The following GTF2H3 variants were observed in gnomAD, a reference collection of about 807,000 sequenced individuals.
GTF2H3 encodes the protein general transcription factor IIH subunit 3, also known as TFIIH basal transcription factor complex p34 subunit.
GTF2H3 carries 42 observed loss-of-function variants against 51.1 expected under a neutral mutation model. That is an observed-to-expected ratio of 0.82 (90% CI 0.64 to 1.06). GTF2H3 has a LOEUF of 1.06. Ranked by LOEUF, GTF2H3 falls within the 50% of genes least tolerant of loss-of-function variation. The probability of loss-of-function intolerance (pLI) is 0.00; values close to 1 mark genes in which losing one functional copy is unlikely to be tolerated. For missense variants in GTF2H3, 326 were observed against 366.1 expected (o/e 0.89, Z 0.89); for synonymous variants, 123 against 123.8 (o/e 0.99, Z 0.04).
In GTF2H3 at chr12:123,660,329, A is replaced by G. The variant is rs1024386966; in HGVS notation, c.*94A>G. On this transcript the variant is annotated 3_prime_UTR_variant, in exon 13 of 13. Transcript: ENST00000543341. ...GACTGAAAAAAATAAAGATAGGTAT[A>G]GGATAATTTTTAATATGGTGACCTT... 2.8e-5 allele frequency: 24 copies of G among 870,516 alleles called. No individual in the cohort carries two copies. The highest frequency in any genetic ancestry group is 3.7e-5 in the Non-Finnish European group (21 of 561,492). 53.9% of individuals were successfully genotyped at this position (870,516 alleles called of 1,614,324 possible). A position where few individuals can be genotyped will look rare whatever the true frequency, so the allele number is the denominator to read the frequency against.
chr12:123,660,322 T>C lies in GTF2H3; in HGVS notation c.*87T>C. On this transcript the variant is annotated 3_prime_UTR_variant, in exon 13 of 13. Coordinates refer to ENST00000543341, the MANE Select transcript of GTF2H3 (RefSeq NM_001516.5). ...TTGGGAAGACTGAAAAAAATAAAGA[T>C]AGGTATAGGATAATTTTTAATATGG... 1.1e-6 allele frequency: 1 copy of C among 931,208 alleles called. No homozygotes were observed. Among genetic ancestry groups the C allele is most frequent in the African/African-American group, 1.7e-5 (1 of 59,600 alleles). 57.7% of individuals were successfully genotyped at this position (931,208 alleles called of 1,614,324 possible).
intron 9 of GTF2H3, among the ~76,000 whole-genome samples, chr12:123,657,777 C>T (rs948259766): frequency 3.9e-5 from 6 of 152,204 alleles, no homozygotes; most frequent in Non-Finnish European, 7.3e-5. Flanking sequence ...GTAAATGAAT[C>T]TAACGGACCA....
chr12:123,645,754 A>AC (rs1955437474), intron 3 of GTF2H3, among the ~76,000 whole-genome samples, 193 bp downstream of exon 3: 1 of 152,210 alleles, frequency 6.6e-6, no homozygotes, highest in African/African-American at 2.4e-5. Flanking sequence ...TTATTAGTAG[A>AC]TAGTAGAGTT....
intron 9 of GTF2H3, chr12:123,659,276 A>T (rs1451889795): frequency 6.7e-6 from 3 of 444,538 alleles, no homozygotes; most frequent in Non-Finnish European, 1.2e-5. Flanking sequence ...CTGAGGCAGG[A>T]GAATCACTTG....
At chr12:123,652,857 C>T (rs1955536184) in intron 7 of GTF2H3, 122 bp downstream of exon 7, 1 of 865,654 alleles carries the variant, frequency 1.2e-6, no homozygotes, top group Non-Finnish European at 1.6e-6. Context: ...GTGGGCAGAT[C>T]ACTTGAGGTC....
chr12:123,645,650 T>C, intron 3 of GTF2H3, 89 bp downstream of exon 3: 1 of 695,534 alleles, frequency 1.4e-6, no homozygotes, highest in Non-Finnish European at 2.6e-6. Context: ...CTACTCCATG[T>C]TGCAAAAGAA....
intron 2 of GTF2H3, among the ~76,000 whole-genome samples, chr12:123,640,337 C>CTTTTTTTTTTTTTTTTTTTTTTGT: frequency 7.6e-6 from 1 of 130,818 alleles, no homozygotes; most frequent in Non-Finnish European, 1.6e-5. Context: ...TTTTTGTGGC[C>CTTTTTTTTTTTTTTTTTTTTTTGT]TTTTTTTTTT....
intron 7 of GTF2H3, among the ~76,000 whole-genome samples, chr12:123,654,595 G>A (rs998602886): frequency 4.0e-5 from 6 of 151,098 alleles, no homozygotes; most frequent in Admixed American, 2.6e-4. Context: ...TTTTGGGTGG[G>A]TAGGTGTGTG....
intron 1 of GTF2H3, among the ~76,000 whole-genome samples, chr12:123,638,947 C>G (rs1440297166): frequency 7.2e-5 from 11 of 152,062 alleles, no homozygotes; most frequent in Admixed American, 7.2e-4. Context: ...AGGCGCCCAC[C>G]ACCACGCCCA....
intron 1 of GTF2H3, among the ~76,000 whole-genome samples, chr12:123,634,333 G>T (rs1955240589): frequency 6.6e-6 from 1 of 152,136 alleles, no homozygotes; most frequent in Non-Finnish European, 1.5e-5. Flanking sequence ...TCCCAGCTAC[G>T]CGGGAGGCTG....
At chr12:123,653,284 A>G (rs1256312074) in intron 7 of GTF2H3, among the ~76,000 whole-genome samples, 1 of 152,084 alleles carries the variant, frequency 6.6e-6, no homozygotes, top group East Asian at 1.9e-4. Context: ...GTTTTCCCAA[A>G]ATCACACTGT....
At position 123,660,848 on chromosome 12, in the gene GTF2H3, A is replaced by G. The variant is rs746750447; in HGVS notation, c.*613A>G. 6.6e-6 allele frequency: 1 copy of G among 152,198 alleles called. No individual in the cohort carries two copies. Among genetic ancestry groups the G allele is most frequent in the Non-Finnish European group, 1.5e-5 (1 of 68,032 alleles). The allele number at this position is 152,198 out of a possible 1,614,324, so 9.4% of individuals were successfully genotyped here. A position where few individuals can be genotyped will look rare whatever the true frequency, so the allele number is the denominator to read the frequency against. ...AATCTCATTTTAAATGAGTAAGGAGAACGTGTACAGAAGCAAATTTTCTTC... is the reference window on the plus strand; with the variant it reads ...AATCTCATTTTAAATGAGTAAGGAGGACGTGTACAGAAGCAAATTTTCTTC... On this transcript the variant is annotated 3_prime_UTR_variant, in exon 13 of 13. Transcript: ENST00000543341.
rs951291970 is a variant in GTF2H3, at chr12:123,633,850, T to C, written c.-10T>C. 3 of 1,613,090 alleles carry C rather than the reference T, an allele frequency of 1.9e-6. No individual in the cohort carries two copies. Among genetic ancestry groups the C allele is most frequent in the Non-Finnish European group, 2.5e-6 (3 of 1,180,000 alleles). On this transcript the variant is annotated 5_prime_UTR_variant, in exon 1 of 13. Transcript: ENST00000543341. ...CACCACTTGCTCTGCGCTGAGGTGC[T>C]GGGACAGCCATGGTTTCAGACGGTG...
intron 7 of GTF2H3, among the ~76,000 whole-genome samples, chr12:123,653,519 G>T (rs1040066073): frequency 6.6e-6 from 1 of 151,808 alleles, no homozygotes. Flanking sequence ...AAATGTCGTG[G>T]GCGCCTGTAG....
At chr12:123,639,151 C>T (rs1955331997) in intron 1 of GTF2H3, 113 bp from the exon 2 acceptor site, 3 of 631,180 alleles carry the variant, frequency 4.8e-6, no homozygotes, top group Non-Finnish European at 8.5e-6. Flanking sequence ...AGGTGATAAA[C>T]ATTTAAGGCA....
intron 5 of GTF2H3, 157 bp downstream of exon 5, chr12:123,651,213 A>AT (rs370948488): frequency 9.5e-4 from 507 of 535,820 alleles, no homozygotes; most frequent in Non-Finnish European, 1.1e-3. Context: ...TTGGCTTTGA[A>AT]TTTTTTTTTC....
rs192702513 is a variant in GTF2H3 at position 123,661,219 on chromosome 12, G to A, written c.*984G>A. 22 of 152,262 alleles carry A rather than the reference G, an allele frequency of 1.4e-4. No homozygotes were observed. In the East Asian group the frequency reaches 4.1e-3, roughly 28 times the overall value. 9.4% of individuals were successfully genotyped at this position (152,262 alleles called of 1,614,324 possible). ...TATAAGTTCAAAAGCAAAAGTATTT[G>A]TAATTTCAACAACAAAAAATGTATT... On this transcript the variant is annotated 3_prime_UTR_variant, in exon 13 of 13. Transcript: ENST00000543341.
chr12:123,647,192 G>A (rs548151740), intron 3 of GTF2H3, among the ~76,000 whole-genome samples: 13 of 149,696 alleles, frequency 8.7e-5, no homozygotes, highest in African/African-American at 3.0e-4. Flanking sequence ...TCACGAGGCC[G>A]GGCTCGGTGG....
At chr12:123,655,463 T>A (rs1295069734) in intron 8 of GTF2H3, 1 of 332,322 alleles carries the variant, frequency 3.0e-6, no homozygotes, top group Admixed American at 4.5e-5. Context: ...TCAGTTTTAA[T>A]GTAAAATGCT....
Sources: allele counts gnomAD v4.1 joint callset (sites outside exome capture counted in the v4.1 genomes callset), GRCh38; gene constraint gnomAD v4.1.1; transcripts MANE v1.5; gene names NCBI Gene and HGNC (gene_info 2026-07-23, HGNC 2026-07-21).